The following C12orf42 variants were observed in gnomAD, a reference collection of about 807,000 sequenced individuals.
The protein encoded by C12orf42 is chromosome 12 open reading frame 42.
C12orf42 carries 25 observed loss-of-function variants against 21.6 expected under a neutral mutation model. The observed-to-expected ratio is 1.16, with a 90% CI of 0.84 to 1.62. The LOEUF (loss-of-function observed/expected upper bound fraction) is 1.62. C12orf42 is among the 40% of genes most tolerant of loss of function. The probability of loss-of-function intolerance (pLI) is 0.00; values close to 1 mark genes in which losing one functional copy is unlikely to be tolerated. For synonymous variants in C12orf42, 174 were observed against 175.0 expected (o/e 0.99, Z 0.05); for missense variants, 483 against 459.3 (o/e 1.05, Z -0.47).
At chr12:103,096,924 T>A in the C12orf42 span, among the ~76,000 whole-genome samples, 6 of 152,172 alleles carry the variant, frequency 3.9e-5, no homozygotes, top group Non-Finnish European at 7.3e-5. Context: ...TTCCTCCTTG[T>A]GTCTATATGG....
At chr12:103,076,508 A>T in the C12orf42 span, among the ~76,000 whole-genome samples, 1 of 152,104 alleles carries the variant, frequency 6.6e-6, no homozygotes, top group Non-Finnish European at 1.5e-5. Context: ...CCTCAGATTC[A>T]TACTAGAACT....
the C12orf42 span, among the ~76,000 whole-genome samples, chr12:103,089,753 A>C: frequency 2.0e-5 from 3 of 152,170 alleles, no homozygotes; most frequent in African/African-American, 7.2e-5. Flanking sequence ...ATTGGTCAGG[A>C]AACTTCAACT....
chr12:103,100,735 C>T, the C12orf42 span, among the ~76,000 whole-genome samples: 4 of 152,242 alleles, frequency 2.6e-5, no homozygotes, highest in African/African-American at 2.4e-5. Context: ...GATAGGTTAG[C>T]GTGACTCACT....
chr12:103,132,586 C>G, the C12orf42 span, among the ~76,000 whole-genome samples: 2 of 152,218 alleles, frequency 1.3e-5, no homozygotes, highest in Non-Finnish European at 2.9e-5. Flanking sequence ...TCCCACCAGA[C>G]TGCATATTCT....
intron 3 of C12orf42, among the ~76,000 whole-genome samples, chr12:103,379,216 C>T (rs79343549): frequency 0.13 from 19,645 of 152,120 alleles, 1,498 homozygotes; most frequent in African/African-American, 0.23. Context: ...ATTATCCACC[C>T]CAATGGGAAC....
At chr12:103,069,265 A>C in the C12orf42 span, among the ~76,000 whole-genome samples, 1 of 151,252 alleles carries the variant, frequency 6.6e-6, no homozygotes, top group Non-Finnish European at 1.5e-5. Context: ...TTATCTTGCA[A>C]TATATTTCCT....
chr12:103,460,934 C>A (rs1023149829), intron 2 of C12orf42, among the ~76,000 whole-genome samples: 2 of 152,140 alleles, frequency 1.3e-5, no homozygotes, highest in African/African-American at 2.4e-5. Flanking sequence ...TAGGAAGCGA[C>A]TATCCATGAT....
intron 2 of C12orf42, among the ~76,000 whole-genome samples, chr12:103,422,613 A>T (rs1348824573): frequency 2.0e-5 from 3 of 152,200 alleles, no homozygotes; most frequent in Non-Finnish European, 4.4e-5. Flanking sequence ...GAAAACACTT[A>T]GCACATGTCT....
At chr12:103,336,699 G>A (rs886411310) in intron 4 of C12orf42, among the ~76,000 whole-genome samples, 2 of 152,142 alleles carry the variant, frequency 1.3e-5, no homozygotes, top group African/African-American at 4.8e-5. Flanking sequence ...AACATAAAAG[G>A]AGTTGATTAG....
At chr12:103,474,502 T>C (rs1187168498) in intron 2 of C12orf42, among the ~76,000 whole-genome samples, 1 of 151,576 alleles carries the variant, frequency 6.6e-6, no homozygotes, top group African/African-American at 2.4e-5. Context: ...TCAAGAATGA[T>C]CAAGAATAAT....
chr12:103,279,909 A>G (rs1241382888), intron 4 of C12orf42, among the ~76,000 whole-genome samples: 1 of 152,214 alleles, frequency 6.6e-6, no homozygotes, highest in African/African-American at 2.4e-5. Context: ...GGCTAATAAC[A>G]TGGGAACTAA....
chr12:103,117,795 A>C, the C12orf42 span, among the ~76,000 whole-genome samples: 1 of 152,204 alleles, frequency 6.6e-6, no homozygotes, highest in Admixed American at 6.5e-5. Flanking sequence ...ATATTCAATG[A>C]AGGCAACCTG....
the C12orf42 span, among the ~76,000 whole-genome samples, chr12:103,125,917 T>G: frequency 3.3e-5 from 5 of 152,306 alleles, no homozygotes. Flanking sequence ...AATTCCTGAT[T>G]TCTCATCTTG....
At chr12:103,560,876 C>T in the C12orf42 span, among the ~76,000 whole-genome samples, 10 of 152,208 alleles carry the variant, frequency 6.6e-5, no homozygotes, top group Non-Finnish European at 1.5e-4. Flanking sequence ...ATATTAGCTG[C>T]TGTCATTGTT....
chr12:103,449,907 A>T (rs554341851), intron 2 of C12orf42, among the ~76,000 whole-genome samples: 1 of 151,602 alleles, frequency 6.6e-6, no homozygotes, highest in South Asian at 2.1e-4. Flanking sequence ...ATATAAATAT[A>T]TTTTATTTTT....
the C12orf42 span, among the ~76,000 whole-genome samples, chr12:103,051,856 G>T: frequency 6.6e-6 from 1 of 152,114 alleles, no homozygotes; most frequent in South Asian, 2.1e-4. Flanking sequence ...AGCAAACCCA[G>T]TTCTTTCTCT....
chr12:103,287,139 G>A (rs929784545), intron 4 of C12orf42, among the ~76,000 whole-genome samples: 6 of 152,278 alleles, frequency 3.9e-5, no homozygotes, highest in South Asian at 2.1e-4. Flanking sequence ...TGTGGAAGTC[G>A]GTGTGGCGAT....
chr12:103,296,672 G>T lies in C12orf42; in HGVS notation n.338-19462C>A, dbSNP rs533525516. On this transcript the variant is annotated intron_variant and non_coding_transcript_variant, in intron 4 of 6. Transcript: ENST00000546526. ...GCATAAATGTCTTCTTTTGAGAAGTGTCTCTTCATATCCTTCACTCACTTG... is the reference window on the plus strand; with the variant it reads ...GCATAAATGTCTTCTTTTGAGAAGTTTCTCTTCATATCCTTCACTCACTTG... Among the ~76,000 whole-genome samples the T allele has an allele frequency of 2.5e-3, 378 of 152,264 alleles. 3 individuals carry two copies. The highest frequency in any genetic ancestry group is 8.7e-3 in the African/African-American group (360 of 41,548).
chr12:103,425,553 A>G (rs1297301102), intron 2 of C12orf42, among the ~76,000 whole-genome samples: 1 of 152,186 alleles, frequency 6.6e-6, no homozygotes, highest in Non-Finnish European at 1.5e-5. Context: ...CAGGGTCTGG[A>G]GTGGACCTCC....
Sources: allele counts gnomAD v4.1 joint callset (sites outside exome capture counted in the v4.1 genomes callset), GRCh38; gene constraint gnomAD v4.1.1; transcripts MANE v1.5; gene names NCBI Gene and HGNC (gene_info 2026-07-23, HGNC 2026-07-21).